RGS17: variants seen among roughly 807,000 people sequenced by gnomAD.
RGS17 encodes the protein regulator of G-protein signaling 17.
A neutral mutation model predicts 25.5 loss-of-function variants in RGS17; 12 were observed. The ratio of observed to expected loss-of-function variants is 0.47; its 90% CI spans 0.30 to 0.76. The LOEUF (loss-of-function observed/expected upper bound fraction) is 0.76. Among genes scored for constraint, RGS17 ranks in the 30% least tolerant of loss-of-function variants. The pLI is 0.07. For synonymous variants in RGS17, 71 were observed against 76.9 expected, an observed-to-expected ratio of 0.92 and a Z score of 0.40; for missense variants, 196 against 242.2, an observed-to-expected ratio of 0.81 and a Z score of 1.27.
At position 153,004,736 on chromosome 6, in the gene RGS17, A is replaced by G. The variant is rs938176961; in HGVS notation, c.*6838T>C. 7.3e-5 allele frequency: 11 copies of G among 150,944 alleles called. No homozygotes were observed. Among genetic ancestry groups the G allele is most frequent in the South Asian group, 2.1e-4 (1 of 4,782 alleles). 9.4% of individuals were successfully genotyped at this position (150,944 alleles called of 1,614,324 possible). On this transcript the variant is annotated 3_prime_UTR_variant, in exon 5 of 5. Coordinates refer to ENST00000206262, the MANE Select transcript of RGS17 (RefSeq NM_012419.5). ...GATAAAATTGATTCTAGGAAGGGGGAAAAAAAAACCCAGAAAAACTTAAAT... is the reference window on the plus strand; with the variant it reads ...GATAAAATTGATTCTAGGAAGGGGGGAAAAAAAACCCAGAAAAACTTAAAT...
Position 153,085,254 on chromosome 6 carries a change from C to T in RGS17, c.-25-41211G>A, listed in dbSNP as rs542811300. On this transcript the variant is annotated intron_variant, in intron 1 of 4. Transcript: ENST00000206262. The stretch of plus-strand genomic sequence containing the variant: ...TATTGCTAGCCATGGCTATAACTAA[C>T]GTAAATGTAATCATTGCATAAATTT... 5.3e-4 allele frequency among the ~76,000 whole-genome samples: 80 copies of T among 152,258 alleles called. 4 individuals are homozygous for T. Among genetic ancestry groups the T allele is most frequent in the East Asian group, 5.8e-4 (3 of 5,184 alleles).
intron 1 of RGS17, among the ~76,000 whole-genome samples, chr6:153,121,055 T>G (rs1306633083): frequency 6.6e-6 from 1 of 151,820 alleles, no homozygotes; most frequent in East Asian, 1.9e-4. Flanking sequence ...TCCCTCAGAC[T>G]TGTTCATGTT....
At chr6:153,097,242 G>T (rs1166310008) in intron 1 of RGS17, among the ~76,000 whole-genome samples, 1 of 147,358 alleles carries the variant, frequency 6.8e-6, no homozygotes, top group East Asian at 2.0e-4. Context: ...AATGGTTATT[G>T]AACAACCATT....
chr6:153,033,703 G>A (rs575444437), intron 2 of RGS17, among the ~76,000 whole-genome samples: 169 of 152,244 alleles, frequency 1.1e-3, no homozygotes, highest in Non-Finnish European at 1.6e-3. Flanking sequence ...GGGCTACAGA[G>A]TGAGACTTCA....
At chr6:153,081,476 AT>A (rs1186419991) in intron 1 of RGS17, among the ~76,000 whole-genome samples, 5 of 151,346 alleles carry the variant, frequency 3.3e-5, no homozygotes, top group African/African-American at 1.2e-4. Context: ...TTAAGTGAGT[AT>A]TTTTGTAGAT....
chr6:153,053,347 A>C (rs9383643), intron 1 of RGS17, among the ~76,000 whole-genome samples: 58,671 of 152,068 alleles, frequency 0.39, 12,020 homozygotes, highest in East Asian at 0.62. Flanking sequence ...TTTCTGGAGA[A>C]TATGTGTAAC....
chr6:153,011,566 A>T lies in RGS17; in HGVS notation c.*8T>A, dbSNP rs893352380. On this transcript the variant is annotated 3_prime_UTR_variant, in exon 5 of 5. Transcript: ENST00000206262. ...CAGCCCTCCAAAATGATTGTTTTTA[A>T]ATGAACATTAAGATTCAGAAGAAGA... The T allele has an allele frequency of 6.3e-7, 1 of 1,578,004 alleles. No individual in the cohort carries two copies. Among genetic ancestry groups the T allele is most frequent in the Non-Finnish European group, 8.7e-7 (1 of 1,155,130 alleles).
At chr6:153,012,645 A>G (rs1325450904) in intron 4 of RGS17, among the ~76,000 whole-genome samples, 2 of 152,166 alleles carry the variant, frequency 1.3e-5, no homozygotes, top group East Asian at 1.9e-4. Flanking sequence ...CCATGTTAGA[A>G]CAACCCTACA....
intron 1 of RGS17, among the ~76,000 whole-genome samples, chr6:153,122,344 A>G (rs908857067): frequency 8.5e-5 from 13 of 152,120 alleles, no homozygotes; most frequent in Non-Finnish European, 1.0e-4. Flanking sequence ...GGATTTCTCT[A>G]TTGTTTGGTT....
At chr6:153,125,714 G>A (rs541099933) in intron 1 of RGS17, among the ~76,000 whole-genome samples, 45 of 152,152 alleles carry the variant, frequency 3.0e-4, no homozygotes, top group African/African-American at 6.3e-4. Context: ...TTAGCTGGGC[G>A]TCGTGGTACA....
intron 1 of RGS17, among the ~76,000 whole-genome samples, chr6:153,070,232 T>C: frequency 6.6e-6 from 1 of 151,676 alleles, no homozygotes; most frequent in African/African-American, 2.4e-5. Context: ...TCTTTTTTGG[T>C]GGGGGTGTGG....
At chr6:153,044,900 A>G (rs1776369314) in intron 1 of RGS17, among the ~76,000 whole-genome samples, 1 of 152,216 alleles carries the variant, frequency 6.6e-6, no homozygotes. Context: ...TTTGTCTTTG[A>G]GTAATATCAA....
In RGS17 at chr6:153,101,726, C is replaced by G. The variant is rs1274963091; in HGVS notation, c.-26+29398G>C. ...GGGGGCAGACTTCCTCCTTGCTGTTCTTGTGATAGTGAGTGAGTTCTCGTA... is the reference window on the plus strand; with the variant it reads ...GGGGGCAGACTTCCTCCTTGCTGTTGTTGTGATAGTGAGTGAGTTCTCGTA... On this transcript the variant is annotated intron_variant, in intron 1 of 4. Coordinates refer to ENST00000206262, the MANE Select transcript of RGS17 (RefSeq NM_012419.5). Among the ~76,000 whole-genome samples, 3 of 152,010 alleles carry G rather than the reference C, an allele frequency of 2.0e-5. No individual in the cohort carries two copies. The East Asian group carries it at 5.8e-4, about 29-fold the overall frequency.
intron 1 of RGS17, among the ~76,000 whole-genome samples, chr6:153,105,642 A>AGTCT (rs1437082554): frequency 6.6e-6 from 1 of 151,602 alleles, no homozygotes; most frequent in African/African-American, 2.4e-5. Context: ...TGTAAGGTGA[A>AGTCT]GTCTTCCAAG....
chr6:153,059,881 C>T (rs1776611952), intron 1 of RGS17, among the ~76,000 whole-genome samples: 1 of 152,126 alleles, frequency 6.6e-6, no homozygotes, highest in Admixed American at 6.5e-5. Context: ...TGGGTCTTTG[C>T]TATTCAAAAT....
intron 1 of RGS17, among the ~76,000 whole-genome samples, chr6:153,053,248 A>G (rs572955971): frequency 1.3e-5 from 2 of 152,328 alleles, no homozygotes; most frequent in African/African-American, 4.8e-5. Flanking sequence ...GCAATCACAA[A>G]ACAATGTTGA....
intron 1 of RGS17, among the ~76,000 whole-genome samples, chr6:153,109,176 T>A (rs944497034): frequency 2.6e-5 from 4 of 152,222 alleles, no homozygotes; most frequent in Middle Eastern, 3.2e-3. Context: ...CGCCATTTTT[T>A]TTTCATTTTT....
At position 153,006,428 on chromosome 6, in the gene RGS17, T is replaced by TCAA. The variant is rs1779076863; in HGVS notation, c.*5145_*5146insTTG. 2 of 133,700 alleles carry TCAA rather than the reference T, an allele frequency of 1.5e-5. No individual in the cohort carries two copies. Among genetic ancestry groups the TCAA allele is most frequent in the Admixed American group, 1.5e-4 (2 of 12,992 alleles). 8.3% of individuals were successfully genotyped at this position (133,700 alleles called of 1,614,324 possible). On this transcript the variant is annotated 3_prime_UTR_variant, in exon 5 of 5. Coordinates refer to ENST00000206262, the MANE Select transcript of RGS17 (RefSeq NM_012419.5). ...ATATCCATTTATCATCTATCTATCATCTATCTATCAATCATCTATCTATCT... is the reference window on the plus strand; with the variant it reads ...ATATCCATTTATCATCTATCTATCATCAACTATCTATCAATCATCTATCTATCT...
chr6:153,051,683 G>A (rs1776463157), intron 1 of RGS17, among the ~76,000 whole-genome samples: 1 of 152,134 alleles, frequency 6.6e-6, no homozygotes, highest in African/African-American at 2.4e-5. Context: ...CCTCCTGACT[G>A]TTTAGTAAAA....
Sources: allele counts gnomAD v4.1 joint callset (sites outside exome capture counted in the v4.1 genomes callset), GRCh38; gene constraint gnomAD v4.1.1; transcripts MANE v1.5; gene names NCBI Gene and HGNC (gene_info 2026-07-23, HGNC 2026-07-21).